SOX5: variants seen among roughly 807,000 people sequenced by gnomAD.
SOX5 encodes the protein SRY-box transcription factor 5.
SOX5 carries 9 observed loss-of-function variants against 92.0 expected under a neutral mutation model. The ratio of observed to expected loss-of-function variants is 0.10; its 90% CI spans 0.06 to 0.17. SOX5 has a LOEUF of 0.17. Among genes scored for constraint, SOX5 ranks in the 10% least tolerant of loss-of-function variants. The pLI, the probability that SOX5 is intolerant of heterozygous loss-of-function variation, is 1.00. For synonymous variants in SOX5, 344 were observed against 336.3 expected (o/e 1.02, Z -0.25); for missense variants, 642 against 944.5 (o/e 0.68, Z 4.20).
intron 2 of SOX5, among the ~76,000 whole-genome samples, chr12:23,854,751 G>A (rs371748570): frequency 6.6e-6 from 1 of 152,088 alleles, no homozygotes; most frequent in East Asian, 1.9e-4. Context: ...TTCACCAGTT[G>A]TGTGACCTTG....
At chr12:23,807,096 G>A (rs1486128968) in intron 3 of SOX5, among the ~76,000 whole-genome samples, 1 of 151,132 alleles carries the variant, frequency 6.6e-6, no homozygotes, top group Non-Finnish European at 1.5e-5. Flanking sequence ...CAAAAATTAT[G>A]TATTCTTCTT....
chr12:23,599,251 A>C (rs1397396635), intron 9 of SOX5, among the ~76,000 whole-genome samples: 1 of 152,242 alleles, frequency 6.6e-6, no homozygotes, highest in Non-Finnish European at 1.5e-5. Context: ...TTGAAGCAAC[A>C]TTATAAGGAT....
chr12:24,112,521 CT>C (rs139323766), intron 4 of SOX5, among the ~76,000 whole-genome samples: 467 of 75,678 alleles, frequency 6.2e-3, no homozygotes, highest in Middle Eastern at 9.4e-3. Context: ...TTCAAGGTTC[CT>C]TTTTTTTTTT....
intron 4 of SOX5, among the ~76,000 whole-genome samples, chr12:24,178,280 G>A (rs186544977): frequency 4.4e-4 from 61 of 137,354 alleles, no homozygotes; most frequent in African/African-American, 1.6e-3. Context: ...TTTAAGCACT[G>A]CAAGTATTTA....
intron 1 of SOX5, among the ~76,000 whole-genome samples, chr12:24,477,361 T>C (rs1945509351): frequency 6.6e-6 from 1 of 152,142 alleles, no homozygotes; most frequent in Admixed American, 6.5e-5. Flanking sequence ...CTCGAACTCC[T>C]GACCTCAAAT....
At chr12:23,741,067 C>CA (rs1567381409) in intron 4 of SOX5, 28 bp from the exon 5 acceptor site, 1 of 1,507,864 alleles carries the variant, frequency 6.6e-7, no homozygotes, top group Admixed American at 2.1e-5. Context: ...ATAAAACAGA[C>CA]AAAATAAATG....
rs117219517 is a variant in SOX5, at chr12:24,034,073, A to G, written c.-1-138049T>C. Among the ~76,000 whole-genome samples the G allele has an allele frequency of 1.9e-3, 284 of 152,180 alleles. 9 individuals are homozygous for G. In the East Asian group the frequency reaches 0.049, roughly 26 times the overall value. ...TATCAGTCTCAGACTTTAGAGAAAC[A>G]TAACTGTTTTGATAATCCAGGTAAT... On this transcript the variant is annotated intron_variant, in intron 4 of 4. Transcript: ENST00000446891.
intron 6 of SOX5, among the ~76,000 whole-genome samples, chr12:23,709,619 G>C (rs974427433): frequency 6.6e-6 from 1 of 152,170 alleles, no homozygotes; most frequent in Admixed American, 6.6e-5. Context: ...AGGGATTAAA[G>C]AATAAGGGTT....
intron 6 of SOX5, among the ~76,000 whole-genome samples, chr12:23,731,727 T>C (rs1473830994): frequency 6.6e-6 from 1 of 152,190 alleles, no homozygotes; most frequent in Admixed American, 6.5e-5. Context: ...CTTGATGTAT[T>C]GGATTCCTTT....
intron 5 of SOX5, among the ~76,000 whole-genome samples, chr12:23,736,405 T>C (rs961123554): frequency 2.6e-5 from 4 of 151,954 alleles, no homozygotes; most frequent in African/African-American, 9.7e-5. Flanking sequence ...GAGCTTGCAG[T>C]GAGCCAAGAT....
At chr12:24,423,681 G>A (rs1004912679) in intron 1 of SOX5, among the ~76,000 whole-genome samples, 2 of 152,198 alleles carry the variant, frequency 1.3e-5, no homozygotes, top group African/African-American at 4.8e-5. Flanking sequence ...CCTGGGTCAT[G>A]AACTAAAATG....
At chr12:24,159,929 C>G (rs16927269) in intron 4 of SOX5, among the ~76,000 whole-genome samples, 1 of 151,928 alleles carries the variant, frequency 6.6e-6, no homozygotes, top group Non-Finnish European at 1.5e-5. Context: ...ATATTTTTAA[C>G]CAGGATGTGC....
intron 1 of SOX5, among the ~76,000 whole-genome samples, chr12:24,532,249 C>G (rs113857066): frequency 3.3e-5 from 5 of 152,158 alleles, no homozygotes; most frequent in African/African-American, 1.2e-4. Flanking sequence ...GGGTACCTGG[C>G]TCCATATCTT....
chr12:24,041,945 G>A (rs1440385266), intron 4 of SOX5, among the ~76,000 whole-genome samples: 1 of 151,978 alleles, frequency 6.6e-6, no homozygotes, highest in Non-Finnish European at 1.5e-5. Context: ...AACATTATGT[G>A]CTCATTAAAT....
chr12:24,358,222 C>T (rs1198642371), intron 2 of SOX5, among the ~76,000 whole-genome samples: 9 of 152,148 alleles, frequency 5.9e-5, no homozygotes, highest in African/African-American at 9.7e-5. Context: ...AAATGTGGGA[C>T]ACCTCAATAA....
chr12:23,820,062 T>A (rs1568038890), intron 3 of SOX5, among the ~76,000 whole-genome samples: 1 of 152,218 alleles, frequency 6.6e-6, no homozygotes, highest in Non-Finnish European at 1.5e-5. Flanking sequence ...ATAAAAGCGT[T>A]CCTATTTCTC....
chr12:24,475,625 C>G (rs991252211), intron 1 of SOX5, among the ~76,000 whole-genome samples: 1 of 152,134 alleles, frequency 6.6e-6, no homozygotes, highest in Non-Finnish European at 1.5e-5. Flanking sequence ...GACTACACTT[C>G]ATAAAGTACA....
At chr12:23,564,038 C>T (rs1362025952) in intron 10 of SOX5, among the ~76,000 whole-genome samples, 2 of 152,106 alleles carry the variant, frequency 1.3e-5, no homozygotes. Context: ...TGTAACCAAG[C>T]ACCTGTAATT....
chr12:24,195,499 A>G (rs1407848914), intron 4 of SOX5, among the ~76,000 whole-genome samples: 9 of 152,234 alleles, frequency 5.9e-5, no homozygotes, highest in Non-Finnish European at 1.3e-4. Flanking sequence ...CATCTTTATC[A>G]TACATATTTC....
Sources: gnomAD v4.1 joint callset for allele counts (sites outside exome capture counted in the v4.1 genomes callset) on GRCh38, gnomAD v4.1.1 for gene constraint, MANE v1.5 for transcripts, NCBI Gene and HGNC (gene_info 2026-07-23, HGNC 2026-07-21) for gene names.